The following HIVEP3 variants were observed in gnomAD, a reference collection of about 807,000 sequenced individuals.
HIVEP3 encodes transcription factor HIVEP3.
Under a neutral mutation model 152.8 loss-of-function variants are expected in HIVEP3, and 49 were observed. The ratio of observed to expected loss-of-function variants is 0.32; its 90% CI spans 0.26 to 0.41. The LOEUF (loss-of-function observed/expected upper bound fraction) is 0.41, where lower values mean the gene tolerates loss of function less well. HIVEP3 is among the 10% of genes least tolerant of loss of function. The pLI, the probability that HIVEP3 is intolerant of heterozygous loss-of-function variation, is 1.00. For missense variants in HIVEP3, 2,790 were observed against 3,103.3 expected, an observed-to-expected ratio of 0.90 and a Z score of 2.40; for synonymous variants, 1,269 against 1,289.0, an observed-to-expected ratio of 0.98 and a Z score of 0.33.
intron 1 of HIVEP3, among the ~76,000 whole-genome samples, chr1:41,792,293 G>A (rs892051423): frequency 1.3e-5 from 2 of 152,260 alleles, no homozygotes; most frequent in East Asian, 3.8e-4. Flanking sequence ...GTCCTTGGGA[G>A]AGGATGGGGG....
chr1:41,528,868 T>C, intron 5 of HIVEP3, among the ~76,000 whole-genome samples: 1 of 88,826 alleles, frequency 1.1e-5, no homozygotes, highest in African/African-American at 4.6e-5. Context: ...CTTCACACAC[T>C]CCACACTTCC....
intron 1 of HIVEP3, among the ~76,000 whole-genome samples, chr1:41,801,299 T>A (rs896485333): frequency 6.6e-6 from 1 of 152,104 alleles, no homozygotes; most frequent in Non-Finnish European, 1.5e-5. Context: ...ATTCCTCCCT[T>A]CAATCTGGTC....
chr1:41,615,815 CTTTTTTTTTT>C (rs747478470), intron 3 of HIVEP3, among the ~76,000 whole-genome samples: 10 of 46,990 alleles, frequency 2.1e-4, no homozygotes, highest in Admixed American at 1.1e-3. Flanking sequence ...TTTGACAAGT[CTTTTTTTTTT>C]TTTTTTTTTT....
Position 41,583,472 on chromosome 1 carries a change from G to GCTGGGTGGA in HIVEP3, c.1325_1326insTCCACCCAG (p.Pro442_Leu443insProProSer). 1.2e-6 allele frequency: 2 copies of GCTGGGTGGA among 1,613,594 alleles called. No homozygotes were observed. Among genetic ancestry groups the GCTGGGTGGA allele is most frequent in the Non-Finnish European group, 1.7e-6 (2 of 1,179,616 alleles). ...GGCTGGGCTTGTCTTCGGTGGACAG[G>GCTGGGTGGA]GGCAGGAGGGGCTGGGTGGAGGTGG... is the stretch of plus-strand genomic sequence containing the variant. On this transcript the variant is annotated inframe_insertion, in exon 4 of 9. Transcript: ENST00000372583. This position sits in a 1 kb window ranked among gnomAD's most constrained non-coding sequence, Gnocchi z 6.9.
Position 41,580,855 on chromosome 1 carries a change from C to A in HIVEP3, c.3943G>T (p.Val1315Leu). 6.2e-7 allele frequency: 1 copy of A among 1,600,342 alleles called. No individual in the cohort carries two copies. The highest frequency in any genetic ancestry group is 1.1e-5 in the South Asian group (1 of 87,652). The change falls in exon 4 of 9, where the codon GTG becomes TTG. Residue 1315 changes from valine to leucine, a missense_variant. Physicochemically the swap from Val to Leu is conservative, Grantham distance 32 (BLOSUM62 1). Transcript: ENST00000372583. ...LALPACPDTM[V>L]SLVVPVRVQT... The stretch of plus-strand genomic sequence containing the variant: ...ACACGGACAGGCACAACCAGGGACA[C>A]CATGGTGTCTGGACAGGCAGGCAGG...
chr1:41,602,007 A>G (rs1031828827), intron 3 of HIVEP3, among the ~76,000 whole-genome samples: 1 of 151,838 alleles, frequency 6.6e-6, no homozygotes. Flanking sequence ...TGCTCATGTG[A>G]TTTTAAGTCT....
At position 41,584,937 on chromosome 1, in the gene HIVEP3, G is replaced by T. The variant is rs1357648841; in HGVS notation, c.-140C>A. The T allele has an allele frequency of 6.5e-6, 5 of 771,568 alleles. No homozygotes were observed. The highest frequency in any genetic ancestry group is 6.2e-5 in the Admixed American group (2 of 32,112). 47.8% of individuals were successfully genotyped at this position (771,568 alleles called of 1,614,324 possible). Reference sequence around the variant, plus strand: ...TGGGAGCCAAACCCAAGACGGCTTTGGGAGTTTTTTGCAAGTGTCACTGGC... The same window carrying T: ...TGGGAGCCAAACCCAAGACGGCTTTTGGAGTTTTTTGCAAGTGTCACTGGC... On this transcript the variant is annotated 5_prime_UTR_variant, in exon 4 of 9. Coordinates refer to ENST00000372583, the MANE Select transcript of HIVEP3 (RefSeq NM_024503.5). This position sits in a 1 kb window ranked among gnomAD's most constrained non-coding sequence, Gnocchi z 5.2.
chr1:41,867,864 A>G (rs1284316152), intron 1 of HIVEP3, among the ~76,000 whole-genome samples: 1 of 151,860 alleles, frequency 6.6e-6, no homozygotes, highest in African/African-American at 2.4e-5. Flanking sequence ...CACCCCTCCA[A>G]TGCTATCACC....
At chr1:41,574,438 T>C (rs1184914939) in intron 5 of HIVEP3, among the ~76,000 whole-genome samples, 2 of 152,122 alleles carry the variant, frequency 1.3e-5, no homozygotes, top group East Asian at 3.8e-4. Flanking sequence ...CCCCTTCCCA[T>C]CATTGACTAC....
Position 41,584,303 on chromosome 1 carries a change from C to G in HIVEP3, c.495G>C (p.Val165=). The G allele has an allele frequency of 6.2e-7, 1 of 1,613,718 alleles. No homozygotes were observed. The highest frequency in any genetic ancestry group is 8.5e-7 in the Non-Finnish European group (1 of 1,179,822). ...TCAAGGAGACCTGGGAAGGACGAGG[C>G]ACGAAGACTTTGGGGACTCCAGGAA... ...EDLPGVPKVF[V]PRPSQVSLKP... The change falls in exon 4 of 9, where the codon GTG becomes GTC. Residue 165 remains valine, a synonymous_variant. Coordinates refer to ENST00000372583, the MANE Select transcript of HIVEP3 (RefSeq NM_024503.5). This position sits in a 1 kb window ranked among gnomAD's most constrained non-coding sequence, Gnocchi z 5.2.
intron 1 of HIVEP3, among the ~76,000 whole-genome samples, chr1:41,994,638 G>C (rs1406662110): frequency 1.3e-5 from 2 of 152,136 alleles, no homozygotes; most frequent in Non-Finnish European, 2.9e-5. Context: ...TAAGTTTCCT[G>C]AGGCCTCCCA....
intron 5 of HIVEP3, among the ~76,000 whole-genome samples, chr1:41,534,950 A>C (rs1643361709): frequency 6.6e-6 from 1 of 152,190 alleles, no homozygotes; most frequent in African/African-American, 2.4e-5. Context: ...ACCTTGGGCA[A>C]GTCACTTTCT....
At chr1:41,618,736 C>T (rs1039454336) in intron 3 of HIVEP3, among the ~76,000 whole-genome samples, 7 of 152,208 alleles carry the variant, frequency 4.6e-5, no homozygotes, top group African/African-American at 1.7e-4. Flanking sequence ...AGTTATCTAT[C>T]CACCTGGCCC....
intron 1 of HIVEP3, among the ~76,000 whole-genome samples, chr1:41,935,512 A>G (rs563970389): frequency 7.9e-5 from 12 of 152,214 alleles, no homozygotes; most frequent in African/African-American, 2.9e-4. Context: ...TCAGAATGGC[A>G]ACAAGGGACT....
intron 1 of HIVEP3, chr1:42,035,771 G>A (rs965271078): frequency 6.6e-6 from 1 of 151,708 alleles, no homozygotes; most frequent in Non-Finnish European, 1.5e-5. Context: ...CCCGAGGAGG[G>A]GGGCGCGATG....
At chr1:41,686,732 G>C (rs1646121555) in intron 2 of HIVEP3, among the ~76,000 whole-genome samples, 1 of 152,158 alleles carries the variant, frequency 6.6e-6, no homozygotes, top group Admixed American at 6.5e-5. Flanking sequence ...TGAGACCCCA[G>C]AACCCAGGAA....
chr1:41,641,177 GCA>G, intron 2 of HIVEP3, among the ~76,000 whole-genome samples: 1 of 152,382 alleles, frequency 6.6e-6, no homozygotes, highest in East Asian at 1.9e-4. Flanking sequence ...CTTATTCACA[GCA>G]AAGCAGGTGG....
intron 1 of HIVEP3, among the ~76,000 whole-genome samples, chr1:41,751,254 T>C (rs1014801583): frequency 6.6e-6 from 1 of 150,802 alleles, no homozygotes; most frequent in Admixed American, 6.6e-5. Context: ...AGGTCGTGAT[T>C]AACTGGCAGG....
chr1:41,853,132 T>G (rs1488718027), intron 1 of HIVEP3, among the ~76,000 whole-genome samples: 1 of 152,236 alleles, frequency 6.6e-6, no homozygotes, highest in African/African-American at 2.4e-5. Flanking sequence ...AGCTCTCTTC[T>G]GGCTCCAAAA....
Sources: allele counts gnomAD v4.1 joint callset (sites outside exome capture counted in the v4.1 genomes callset), GRCh38; gene constraint gnomAD v4.1.1; non-coding constraint Gnocchi (gnomAD v3.1); transcripts MANE v1.5; gene names NCBI Gene and HGNC (gene_info 2026-07-23, HGNC 2026-07-21).